HECTD4: variants seen among roughly 807,000 people sequenced by gnomAD.
The protein encoded by HECTD4 is HECT domain E3 ubiquitin protein ligase 4.
Under a neutral mutation model 471.5 loss-of-function variants are expected in HECTD4, and 114 were observed. The ratio of observed to expected loss-of-function variants is 0.24; its 90% CI spans 0.21 to 0.28. HECTD4 has a LOEUF of 0.28. HECTD4 is among the 10% of genes least tolerant of loss of function. The pLI is 1.00. For missense variants in HECTD4, 3,866 were observed against 5,651.5 expected (o/e 0.68, Z 10.13); for synonymous variants, 2,012 against 2,256.0 (o/e 0.89, Z 3.07).
In HECTD4 at chr12:112,313,641, T is replaced by TC. The variant is rs150049687; in HGVS notation, c.786-495dup. 9.4e-4 allele frequency among the ~76,000 whole-genome samples: 142 copies of TC among 151,840 alleles called. 2 individuals carry two copies. The East Asian group carries it at 0.025, about 27-fold the overall frequency. ...CAGCTGGGACTACAGGGGCTCACCA[T>TC]CACGCCCGGCTAATTTTTTGGTATT... On this transcript the variant is annotated intron_variant, in intron 3 of 75. Coordinates refer to ENST00000682272, the MANE Select transcript of HECTD4 (RefSeq NM_001388303.1).
At position 112,163,373 on chromosome 12, in the gene HECTD4, T is replaced by A; in HGVS notation, c.12898-109A>T. On this transcript the variant is annotated intron_variant, in intron 74 of 75. Coordinates refer to ENST00000682272, the MANE Select transcript of HECTD4 (RefSeq NM_001388303.1). This position sits in a 1 kb window ranked among gnomAD's most constrained non-coding sequence, Gnocchi z 8.2. Reference sequence around the variant, plus strand: ...CCCAATCCTGGGGCAGGGTGCAACGTGTGGGCTGTGAGCACAGGGAGATGA... The same window carrying A: ...CCCAATCCTGGGGCAGGGTGCAACGAGTGGGCTGTGAGCACAGGGAGATGA... 1 of 1,131,820 alleles carries A rather than the reference T, an allele frequency of 8.8e-7. No individual in the cohort carries two copies. Among genetic ancestry groups the A allele is most frequent in the East Asian group, 2.6e-5 (1 of 39,202 alleles). 70.1% of individuals were successfully genotyped at this position (1,131,820 alleles called of 1,614,324 possible). A position where few individuals can be genotyped will look rare whatever the true frequency, so the allele number is the denominator to read the frequency against.
chr12:112,234,166 C>T (rs1433125874), intron 37 of HECTD4, among the ~76,000 whole-genome samples: 3 of 152,292 alleles, frequency 2.0e-5, no homozygotes, highest in Admixed American at 1.3e-4. Context: ...CAACTTCAAA[C>T]TATTAAACTT....
At chr12:112,293,109 T>A (rs999692512) in intron 7 of HECTD4, among the ~76,000 whole-genome samples, 1 of 152,096 alleles carries the variant, frequency 6.6e-6, no homozygotes, top group Non-Finnish European at 1.5e-5. Flanking sequence ...CTCACGCCTA[T>A]AATCTCAGCA....
At chr12:112,309,034 T>A in intron 5 of HECTD4, 143 bp from the exon 6 acceptor site, 1 of 856,770 alleles carries the variant, frequency 1.2e-6, no homozygotes, top group Non-Finnish European at 1.7e-6. Context: ...AGTGAATGTA[T>A]TACATTAACT....
Position 112,233,071 on chromosome 12 carries a change from C to T in HECTD4, c.5930G>A (p.Arg1977Gln). Residue 1977 changes from arginine to glutamine, a missense_variant, in exon 38 of 76, where the codon CGG (arginine) becomes CAG (glutamine). This residue lies in a region of HECTD4 where 617 missense variants were observed against 915.1 expected (regional missense o/e 0.67). Transcript: ENST00000682272. ...LQPLLSSSEG[R>Q]PFRLGTGANM... ...GGCGCCAGTACCAAGTCGGAAGGGC[C>T]GTCCTTCTGAACTACTGAAAAAAGG... 1.2e-6 allele frequency: 2 copies of T among 1,609,162 alleles called. No individual in the cohort carries two copies. The highest frequency in any genetic ancestry group is 1.7e-6 in the Non-Finnish European group (2 of 1,177,738).
At chr12:112,269,908 T>C in intron 12 of HECTD4, 59 bp from the exon 13 acceptor site, 1 of 1,466,270 alleles carries the variant, frequency 6.8e-7, no homozygotes, top group South Asian at 1.2e-5. Flanking sequence ...TAAAATTATC[T>C]CTACAAAGAA....
In HECTD4 at chr12:112,382,087, GGCCGCCGCCGCCGCCGCCGCC is replaced by G; in HGVS notation, c.21_41del (p.Ala9_Ala15del). On this transcript the variant is annotated inframe_deletion, in exon 1 of 76. Transcript: ENST00000682272. ...CCGAGAGCCACTGCGCCGAGTCAGC[GGCCGCCGCCGCCGCCGCCGCC>G]GCGGCCGCCGACGAGCCCATGGCCC... The G allele has an allele frequency of 8.2e-7, 1 of 1,225,326 alleles. No homozygotes were observed. The highest frequency in any genetic ancestry group is 1.0e-6 in the Non-Finnish European group (1 of 984,706). 75.9% of individuals were successfully genotyped at this position (1,225,326 alleles called of 1,614,324 possible).
chr12:112,302,891 A>AT (rs34679714), intron 7 of HECTD4, among the ~76,000 whole-genome samples: 3 of 150,550 alleles, frequency 2.0e-5, no homozygotes, highest in Non-Finnish European at 2.9e-5. Context: ...CATTAGCACT[A>AT]TTTTTTTAAC....
At chr12:112,379,591 G>A (rs11612839) in intron 1 of HECTD4, among the ~76,000 whole-genome samples, 3 of 152,086 alleles carry the variant, frequency 2.0e-5, no homozygotes, top group Non-Finnish European at 2.9e-5. Context: ...CTACTTGGGA[G>A]GCTGAGGCAG....
intron 1 of HECTD4, among the ~76,000 whole-genome samples, chr12:112,324,063 T>C (rs536253501): frequency 1.6e-4 from 13 of 81,716 alleles, no homozygotes; most frequent in African/African-American, 1.0e-3. Flanking sequence ...TCTTTCTTTC[T>C]TTCTTTCTTT....
At chr12:112,183,954 G>C (rs142488233) in intron 61 of HECTD4, among the ~76,000 whole-genome samples, 1 of 152,162 alleles carries the variant, frequency 6.6e-6, no homozygotes, top group Non-Finnish European at 1.5e-5. Context: ...CACCCACCGC[G>C]GAAGGCCAGG....
Position 112,259,517 on chromosome 12 carries a change from C to CTTT in HECTD4, c.2874-255_2874-253dup, listed in dbSNP as rs34854104. 7.4e-4 allele frequency among the ~76,000 whole-genome samples: 88 copies of CTTT among 118,628 alleles called. 2 individuals are homozygous for CTTT. Among genetic ancestry groups the CTTT allele is most frequent in the African/African-American group, 1.6e-3 (48 of 29,464 alleles). The allele number at this position is 118,628 out of a possible 152,430, so 77.8% of individuals were successfully genotyped here. A position where few individuals can be genotyped will look rare whatever the true frequency, so the allele number is the denominator to read the frequency against. ...TTTTGCCAAAAAATTTATAAGCTGC[C>CTTT]TTTTTTTTTTTTTTTTTTTTTGACA... is the stretch of plus-strand genomic sequence containing the variant. On this transcript the variant is annotated intron_variant, in intron 18 of 75. Coordinates refer to ENST00000682272, the MANE Select transcript of HECTD4 (RefSeq NM_001388303.1).
chr12:112,360,448 T>A (rs1253978149), intron 1 of HECTD4, among the ~76,000 whole-genome samples: 1 of 152,186 alleles, frequency 6.6e-6, no homozygotes, highest in Non-Finnish European at 1.5e-5. Context: ...GCATCCATCA[T>A]CCCAAGAATA....
At chr12:112,206,533 C>CTTTTTTT in intron 52 of HECTD4, among the ~76,000 whole-genome samples, 1 of 111,486 alleles carries the variant, frequency 9.0e-6, no homozygotes, top group Non-Finnish European at 1.8e-5. Flanking sequence ...ATAGAATCTG[C>CTTTTTTT]TTTTTTTTTT....
At position 112,228,381 on chromosome 12, in the gene HECTD4, T is replaced by G; in HGVS notation, c.6685-123A>C. ...TTCAGTTAAAAAAATAAAATCACCATACAGAAAACTACAAACCACATCAAA... is the reference window on the plus strand; with the variant it reads ...TTCAGTTAAAAAAATAAAATCACCAGACAGAAAACTACAAACCACATCAAA... On this transcript the variant is annotated intron_variant, in intron 42 of 75. Transcript: ENST00000682272. This position sits in a 1 kb window ranked among gnomAD's most constrained non-coding sequence, Gnocchi z 4.9. 1 of 1,047,452 alleles carries G rather than the reference T, an allele frequency of 9.5e-7. No homozygotes were observed. Among genetic ancestry groups the G allele is most frequent in the Non-Finnish European group, 1.3e-6 (1 of 767,024 alleles). 64.9% of individuals were successfully genotyped at this position (1,047,452 alleles called of 1,614,324 possible). A position where few individuals can be genotyped will look rare whatever the true frequency, so the allele number is the denominator to read the frequency against.
intron 2 of HECTD4, 112 bp from the exon 3 acceptor site, chr12:112,314,658 G>T (rs973914013): frequency 1.5e-5 from 10 of 668,472 alleles, no homozygotes; most frequent in Non-Finnish European, 2.7e-5. Context: ...GTGTCTCTCT[G>T]CTTCTGCTGG....
chr12:112,295,206 G>A (rs751193160), intron 7 of HECTD4, among the ~76,000 whole-genome samples: 2 of 151,794 alleles, frequency 1.3e-5, no homozygotes, highest in South Asian at 2.1e-4. Flanking sequence ...CAGGGGAGAC[G>A]GTCAATAAAT....
chr12:112,201,119 A>G (rs775667569), intron 54 of HECTD4: 7 of 457,228 alleles, frequency 1.5e-5, no homozygotes, highest in South Asian at 9.4e-5. Context: ...TTTGAGATGG[A>G]GTCTCACCGT....
intron 11 of HECTD4, among the ~76,000 whole-genome samples, chr12:112,273,267 G>T (rs1426627535): frequency 6.6e-6 from 1 of 151,988 alleles, no homozygotes; most frequent in Non-Finnish European, 1.5e-5. Flanking sequence ...AAAATACAAA[G>T]GTCCTTCACT....
Sources: gnomAD v4.1 joint callset for allele counts (sites outside exome capture counted in the v4.1 genomes callset) on GRCh38, gnomAD v4.1.1 for gene constraint, gnomAD v4.1.1 regional missense constraint, Gnocchi (gnomAD v3.1) non-coding constraint, MANE v1.5 for transcripts, NCBI Gene and HGNC (gene_info 2026-07-23, HGNC 2026-07-21) for gene names.